The following CACNA2D3 variants were observed in gnomAD, a reference collection of about 807,000 sequenced individuals.
CACNA2D3 encodes the protein voltage-dependent calcium channel subunit alpha-2/delta-3.
A neutral mutation model predicts 160.6 loss-of-function variants in CACNA2D3; 60 were observed. The ratio of observed to expected loss-of-function variants is 0.37; its 90% CI spans 0.30 to 0.46. The LOEUF is 0.46. Among genes scored for constraint, CACNA2D3 ranks in the 20% least tolerant of loss-of-function variants. The pLI is 1.00. For missense variants in CACNA2D3, 1,205 were observed against 1,365.0 expected (o/e 0.88, Z 1.85); for synonymous variants, 558 against 492.9 (o/e 1.13, Z -1.75).
At chr3:54,453,505 TACAAACGAG>T (rs59079097) in intron 4 of CACNA2D3, among the ~76,000 whole-genome samples, 48,592 of 151,782 alleles carry the variant, frequency 0.32, 8,014 homozygotes, top group East Asian at 0.42. Context: ...TCCACATTTA[TACAAACGAG>T]ATCTTTTTGG....
intron 4 of CACNA2D3, among the ~76,000 whole-genome samples, chr3:54,407,796 C>G (rs1198744834): frequency 6.6e-6 from 1 of 152,046 alleles, no homozygotes; most frequent in African/African-American, 2.4e-5. Flanking sequence ...ATAGGGAGAG[C>G]CTTGGCCTGG....
intron 27 of CACNA2D3, among the ~76,000 whole-genome samples, chr3:54,914,326 G>A (rs940447280): frequency 6.6e-6 from 1 of 152,148 alleles, no homozygotes; most frequent in Non-Finnish European, 1.5e-5. Context: ...AGATAACTTT[G>A]TCATGATCTA....
chr3:54,893,200 C>T lies in CACNA2D3; in HGVS notation c.2246+1750C>T, dbSNP rs556887317. On this transcript the variant is annotated intron_variant, in intron 25 of 37. Coordinates refer to ENST00000474759, the MANE Select transcript of CACNA2D3 (RefSeq NM_018398.3). ...CTGAGGTAGGAGAATCACTTGAACC[C>T]GGGAGGTGAAGGCTGTAGTGAGCTG... 5.9e-5 allele frequency among the ~76,000 whole-genome samples: 9 copies of T among 152,136 alleles called. No homozygotes were observed. The East Asian group carries it at 1.6e-3, about 26-fold the overall frequency.
chr3:54,784,526 T>C (rs1332391937), intron 13 of CACNA2D3, among the ~76,000 whole-genome samples: 10 of 152,052 alleles, frequency 6.6e-5, no homozygotes, highest in Non-Finnish European at 1.3e-4. Context: ...AAATGTAACC[T>C]CATCCCTCCA....
At chr3:54,829,885 C>CTTTTTTTTTTTTT (rs58291013) in intron 14 of CACNA2D3, among the ~76,000 whole-genome samples, 2 of 64,310 alleles carry the variant, frequency 3.1e-5, no homozygotes, top group African/African-American at 6.3e-5. Context: ...TCTTCTTCAT[C>CTTTTTTTTTTTTT]TTTTTTTTTT....
intron 35 of CACNA2D3, among the ~76,000 whole-genome samples, chr3:55,067,770 A>T (rs1389535954): frequency 6.6e-6 from 1 of 150,432 alleles, no homozygotes; most frequent in East Asian, 2.0e-4. Flanking sequence ...TAGATATATA[A>T]AGAATTTATA....
At chr3:54,597,462 C>T (rs984895749) in intron 9 of CACNA2D3, among the ~76,000 whole-genome samples, 4 of 152,166 alleles carry the variant, frequency 2.6e-5, no homozygotes, top group African/African-American at 9.7e-5. Context: ...CACTTGTACT[C>T]TTGTGTTTTC....
chr3:54,820,730 G>A (rs563215056), intron 14 of CACNA2D3, among the ~76,000 whole-genome samples: 1 of 152,296 alleles, frequency 6.6e-6, no homozygotes, highest in Non-Finnish European at 1.5e-5. Flanking sequence ...AGAGGTCTAT[G>A]TGTAAGAAAG....
At position 54,855,026 on chromosome 3, in the gene CACNA2D3, T is replaced by C. The variant is rs139814861; in HGVS notation, c.1626+8559T>C. On this transcript the variant is annotated intron_variant, in intron 17 of 37. Transcript: ENST00000474759. ...AAAGAATGTTCTTTAATCCTGAAGCTGTGTCCTCAGGTTATTTGACAAAAT... is the reference window on the plus strand; with the variant it reads ...AAAGAATGTTCTTTAATCCTGAAGCCGTGTCCTCAGGTTATTTGACAAAAT... Among the ~76,000 whole-genome samples the C allele has an allele frequency of 7.5e-3, 1,137 of 152,292 alleles. 14 individuals carry two copies. The highest frequency in any genetic ancestry group is 0.025 in the African/African-American group (1,030 of 41,562).
At chr3:54,558,053 G>A (rs1338770813) in intron 5 of CACNA2D3, among the ~76,000 whole-genome samples, 1 of 152,202 alleles carries the variant, frequency 6.6e-6, no homozygotes, top group Non-Finnish European at 1.5e-5. Context: ...CGCTGGAAAG[G>A]TGTAGACAGC....
rs1023550552 is a variant in CACNA2D3, at chr3:54,621,230, GA to G, written c.964-6549del. Among the ~76,000 whole-genome samples the G allele has an allele frequency of 3.9e-5, 6 of 151,988 alleles. No individual in the cohort carries two copies. The East Asian group carries it at 1.2e-3, about 29-fold the overall frequency. ...ACATTTATTATAATTACATAGACAG[GA>G]AAAAAAACATGATTGCTGTGATCAC... On this transcript the variant is annotated intron_variant, in intron 9 of 37. Transcript: ENST00000474759.
intron 13 of CACNA2D3, among the ~76,000 whole-genome samples, chr3:54,794,365 G>T (rs551670507): frequency 6.6e-6 from 1 of 152,190 alleles, no homozygotes; most frequent in South Asian, 2.1e-4. Context: ...CTATTATTAA[G>T]ATACTTTTTA....
intron 28 of CACNA2D3, among the ~76,000 whole-genome samples, chr3:54,968,851 A>G (rs1297759052): frequency 6.6e-6 from 1 of 152,182 alleles, no homozygotes; most frequent in African/African-American, 2.4e-5. Flanking sequence ...CTGGTTACTT[A>G]CTTGTGAATC....
At chr3:54,684,110 G>T (rs566314940) in intron 11 of CACNA2D3, among the ~76,000 whole-genome samples, 1 of 151,552 alleles carries the variant, frequency 6.6e-6, no homozygotes, top group South Asian at 2.1e-4. Context: ...AGCACACGCC[G>T]CAACCATGCC....
chr3:54,815,040 G>C (rs1703415765), intron 13 of CACNA2D3, among the ~76,000 whole-genome samples: 4 of 152,166 alleles, frequency 2.6e-5, no homozygotes, highest in South Asian at 2.1e-4. Flanking sequence ...GTTTCCTGTT[G>C]TGTGAAAAGA....
At chr3:54,530,654 T>G (rs1378781124) in intron 5 of CACNA2D3, among the ~76,000 whole-genome samples, 3 of 152,194 alleles carry the variant, frequency 2.0e-5, no homozygotes, top group Non-Finnish European at 4.4e-5. Flanking sequence ...TCTCCTTCAG[T>G]TCTCACAGCA....
intron 4 of CACNA2D3, among the ~76,000 whole-genome samples, chr3:54,489,663 A>G (rs1701075996): frequency 2.6e-5 from 4 of 152,336 alleles, no homozygotes; most frequent in South Asian, 2.1e-4. Flanking sequence ...GGAGTTAAAC[A>G]CTTCACTCCA....
intron 2 of CACNA2D3, among the ~76,000 whole-genome samples, chr3:54,299,303 G>C (rs982845174): frequency 1.3e-5 from 2 of 152,016 alleles, no homozygotes; most frequent in Non-Finnish European, 2.9e-5. Context: ...TCCTGGTCCA[G>C]GACTGTGTAC....
chr3:54,323,770 C>T (rs1356319218), intron 3 of CACNA2D3, among the ~76,000 whole-genome samples: 2 of 152,082 alleles, frequency 1.3e-5, no homozygotes, highest in East Asian at 3.9e-4. Context: ...TGGGCCCCCA[C>T]CCCGCTATTT....
Sources: gnomAD v4.1 joint callset for allele counts (sites outside exome capture counted in the v4.1 genomes callset) on GRCh38, gnomAD v4.1.1 for gene constraint, MANE v1.5 for transcripts, NCBI Gene and HGNC (gene_info 2026-07-23, HGNC 2026-07-21) for gene names.